Variants in CHD9 observed in about 807,000 individuals in gnomAD.
CHD9 encodes chromodomain helicase DNA binding protein 9, also known as ATP-dependent chromatin remodeler CHD9.
A neutral mutation model predicts 316.1 loss-of-function variants in CHD9; 77 were observed. The observed-to-expected ratio is 0.24, with a 90% confidence interval of 0.20 to 0.29. CHD9 has a LOEUF of 0.29. Ranked by LOEUF, CHD9 falls within the 10% of genes least tolerant of loss-of-function variation. The probability of loss-of-function intolerance (pLI) is 1.00; values close to 1 mark genes in which losing one functional copy is unlikely to be tolerated. For synonymous variants in CHD9, 1,129 were observed against 1,158.3 expected (o/e 0.97, Z 0.51); for missense variants, 2,763 against 3,438.1 (o/e 0.80, Z 4.91).
chr16:53,197,168 A>G (rs549536678), intron 2 of CHD9, among the ~76,000 whole-genome samples: 1 of 152,330 alleles, frequency 6.6e-6, no homozygotes, highest in East Asian at 1.9e-4. Flanking sequence ...GAATTTGGCT[A>G]AGACTCCTTC....
intron 1 of CHD9, among the ~76,000 whole-genome samples, chr16:53,069,811 A>G (rs887885767): frequency 2.6e-5 from 4 of 152,170 alleles, no homozygotes; most frequent in Non-Finnish European, 4.4e-5. Flanking sequence ...AGGAATCATC[A>G]TATCATTTTC....
At chr16:53,251,517 C>T (rs538691004) in intron 17 of CHD9, among the ~76,000 whole-genome samples, 5 of 152,258 alleles carry the variant, frequency 3.3e-5, no homozygotes, top group African/African-American at 1.2e-4. Context: ...ATTTACAGTC[C>T]TGGGTTCCAA....
chr16:53,220,875 T>C (rs1198965426), intron 3 of CHD9, among the ~76,000 whole-genome samples: 1 of 152,224 alleles, frequency 6.6e-6, no homozygotes, highest in Non-Finnish European at 1.5e-5. Context: ...CTACCTGGAA[T>C]GTACTCTGCC....
chr16:53,283,976 C>T (rs61046757), intron 24 of CHD9, among the ~76,000 whole-genome samples: 18,102 of 151,876 alleles, frequency 0.12, 1,264 homozygotes, highest in South Asian at 0.23. Flanking sequence ...CTGCCATTGT[C>T]TTCTATCTCA....
intron 2 of CHD9, among the ~76,000 whole-genome samples, chr16:53,192,742 A>ATATTGTGT (rs2044574792): frequency 6.6e-6 from 1 of 152,162 alleles, no homozygotes; most frequent in Non-Finnish European, 1.5e-5. Flanking sequence ...ATCATGCAGT[A>ATATTGTGT]TATTGTGTTA....
At chr16:53,219,018 G>T (rs1017877048) in intron 3 of CHD9, among the ~76,000 whole-genome samples, 5 of 152,126 alleles carry the variant, frequency 3.3e-5, no homozygotes, top group African/African-American at 1.2e-4. Context: ...GATACCCTTA[G>T]GAGGCGGTTC....
chr16:53,121,071 A>C (rs951627823), intron 1 of CHD9, among the ~76,000 whole-genome samples: 5 of 152,220 alleles, frequency 3.3e-5, no homozygotes, highest in African/African-American at 1.2e-4. Context: ...CTGCAAATGA[A>C]GGTTAAGTGT....
intron 3 of CHD9, among the ~76,000 whole-genome samples, chr16:53,216,616 T>C (rs932050866): frequency 2.0e-5 from 3 of 152,204 alleles, no homozygotes; most frequent in African/African-American, 7.2e-5. Context: ...TCAGAGTTTT[T>C]CTCAGAATCA....
intron 34 of CHD9, among the ~76,000 whole-genome samples, chr16:53,313,932 G>A (rs1209325542): frequency 1.0e-4 from 15 of 147,666 alleles, no homozygotes; most frequent in East Asian, 8.0e-4. Context: ...CAGCCTGGGC[G>A]ACAGAGCAAG....
chr16:53,250,525 A>C (rs1558682), intron 17 of CHD9: 42,359 of 152,226 alleles, frequency 0.28, 5,982 homozygotes, highest in Middle Eastern at 0.32. Context: ...AGCTTTAAGA[A>C]TAATTTATTT....
At chr16:53,128,285 C>T (rs184845489) in intron 1 of CHD9, among the ~76,000 whole-genome samples, 7 of 152,232 alleles carry the variant, frequency 4.6e-5, no homozygotes, top group Admixed American at 3.3e-4. Context: ...CAGATTCAAG[C>T]GATTCTCCTG....
chr16:53,092,153 C>T (rs2035997339), intron 1 of CHD9, among the ~76,000 whole-genome samples: 1 of 152,184 alleles, frequency 6.6e-6, no homozygotes, highest in South Asian at 2.1e-4. Context: ...CTGTCATACC[C>T]TGGGAAGGCT....
At chr16:53,155,232 T>G (rs1189494226) in intron 1 of CHD9, among the ~76,000 whole-genome samples, 2 of 151,616 alleles carry the variant, frequency 1.3e-5, no homozygotes, top group African/African-American at 4.8e-5. Flanking sequence ...TCAGTTTTGT[T>G]TTTTTTTTGA....
At chr16:53,177,219 G>C (rs1277677888) in intron 2 of CHD9, among the ~76,000 whole-genome samples, 1 of 152,134 alleles carries the variant, frequency 6.6e-6, no homozygotes, top group African/African-American at 2.4e-5. Flanking sequence ...GCCTCCTAAA[G>C]TGCTAGGATT....
chr16:53,191,562 G>C (rs2044481461), intron 2 of CHD9, among the ~76,000 whole-genome samples: 1 of 152,036 alleles, frequency 6.6e-6, no homozygotes. Flanking sequence ...CTTTTATTCA[G>C]CATAAGGCAT....
At chr16:53,308,606 CAGTAAAAA>C in intron 33 of CHD9, 72 bp from the exon 34 acceptor site, 1 of 958,338 alleles carries the variant, frequency 1.0e-6, no homozygotes, top group Non-Finnish European at 1.6e-6. Flanking sequence ...TTTTTTTCCT[CAGTAAAAA>C]AATTCTCTTA....
At chr16:53,201,642 A>G (rs771403884) in intron 2 of CHD9, among the ~76,000 whole-genome samples, 1 of 152,150 alleles carries the variant, frequency 6.6e-6, no homozygotes, top group Admixed American at 6.6e-5. Flanking sequence ...TAGCATTTCA[A>G]GTGACACAGA....
At chr16:53,142,381 C>T (rs994800542) in intron 1 of CHD9, among the ~76,000 whole-genome samples, 2 of 152,220 alleles carry the variant, frequency 1.3e-5, no homozygotes, top group African/African-American at 4.8e-5. Flanking sequence ...GGATTACAGG[C>T]GTGAGCCACT....
intron 2 of CHD9, among the ~76,000 whole-genome samples, chr16:53,170,605 G>T (rs1379376698): frequency 6.6e-6 from 1 of 151,820 alleles, no homozygotes; most frequent in Non-Finnish European, 1.5e-5. Context: ...GTGTGTGTGT[G>T]TGTGTGTGTG....
Sources: gnomAD v4.1 joint callset for allele counts (sites outside exome capture counted in the v4.1 genomes callset) on GRCh38, gnomAD v4.1.1 for gene constraint, MANE v1.5 for transcripts, NCBI Gene and HGNC (gene_info 2026-07-23, HGNC 2026-07-21) for gene names.